Variants in EFCAB6 observed in about 807,000 individuals in gnomAD.
EFCAB6 encodes the protein EF-hand calcium-binding domain-containing protein 6.
EFCAB6 carries 156 observed loss-of-function variants against 169.8 expected under a neutral mutation model. The observed-to-expected ratio is 0.92, with a 90% confidence interval of 0.81 to 1.05. The LOEUF is 1.05. EFCAB6 is among the 50% of genes least tolerant of loss of function. EFCAB6 has a pLI of 0.00. For synonymous variants in EFCAB6, 698 were observed against 676.4 expected, an observed-to-expected ratio of 1.03 and a Z score of -0.50; for missense variants, 1,800 against 1,829.1, an observed-to-expected ratio of 0.98 and a Z score of 0.29.
At chr22:43,660,658 C>G (rs137760) in intron 17 of EFCAB6, among the ~76,000 whole-genome samples, 107,376 of 151,992 alleles carry the variant, frequency 0.71, 38,376 homozygotes, top group East Asian at 0.97. Context: ...CTTGTTGGGG[C>G]AGTATCTAAG....
intron 12 of EFCAB6, among the ~76,000 whole-genome samples, chr22:43,680,881 T>C (rs1219482029): frequency 6.6e-6 from 1 of 152,266 alleles, no homozygotes; most frequent in Admixed American, 6.5e-5. Context: ...TAGAATTTTC[T>C]ACACACAAGA....
At chr22:43,698,034 T>C (rs1008748244) in intron 10 of EFCAB6, among the ~76,000 whole-genome samples, 1 of 152,070 alleles carries the variant, frequency 6.6e-6, no homozygotes, top group African/African-American at 2.4e-5. Context: ...CTGGATACCT[T>C]TGAAGAACAC....
rs369786858 is a variant in EFCAB6 at position 43,608,516 on chromosome 22, G to C, written c.2647C>G (p.Leu883Val). The C allele has an allele frequency of 1.9e-6, 3 of 1,614,188 alleles. No homozygotes were observed. Among genetic ancestry groups the C allele is most frequent in the Non-Finnish European group, 1.7e-6 (2 of 1,180,038 alleles). Residue 883 changes from leucine (L) to valine (V), a missense_variant, in exon 22 of 32, where the codon CTC (leucine) becomes GTC (valine). By Grantham distance (32) the Leu-to-Val change is conservative. Transcript: ENST00000262726. Reference protein sequence around the residue: ...KNALYGFDIPLTPREFEKLWA... With the variant: ...KNALYGFDIPVTPREFEKLWA... ...AGCTTTTCAAACTCTCTTGGTGTGA[G>C]GGGAATATCAAAACCGTACAGTGCG...
chr22:43,809,488 A>G (rs1207818463), intron 1 of EFCAB6, among the ~76,000 whole-genome samples: 2 of 152,266 alleles, frequency 1.3e-5, no homozygotes, highest in African/African-American at 2.4e-5. Context: ...CATCAAGAAC[A>G]CAGGTTATTA....
chr22:43,695,578 T>A (rs554268064), intron 10 of EFCAB6, among the ~76,000 whole-genome samples: 1 of 152,162 alleles, frequency 6.6e-6, no homozygotes, highest in Non-Finnish European at 1.5e-5. Context: ...ACAATCTAAT[T>A]TCAAGACTTA....
At chr22:43,774,428 G>C (rs895777043) in intron 3 of EFCAB6, among the ~76,000 whole-genome samples, 1 of 151,572 alleles carries the variant, frequency 6.6e-6, no homozygotes, top group Non-Finnish European at 1.5e-5. Flanking sequence ...AGCACAGCAG[G>C]CTCTGGGGGG....
chr22:43,540,328 G>C lies in EFCAB6; in HGVS notation c.3678C>G (p.Val1226=), dbSNP rs918304390. 2 of 1,614,162 alleles carry C rather than the reference G, an allele frequency of 1.2e-6. No homozygotes were observed. The highest frequency in any genetic ancestry group is 1.7e-6 in the Non-Finnish European group (2 of 1,180,042). ...QFDRLWNEMP[V]NAKGRLKYPD... ...GGTATTTCAGCCTCCCCTTGGCATT[G>C]ACTGGCATCTCGTTCCAGAGTCTGT... The change falls in exon 28 of 32, where the codon GTC becomes GTG. Residue 1226 remains valine (V), a synonymous_variant. Coordinates refer to ENST00000262726, the MANE Select transcript of EFCAB6 (RefSeq NM_022785.4).
chr22:43,567,881 C>T (rs1247862375), intron 26 of EFCAB6, among the ~76,000 whole-genome samples: 1 of 152,190 alleles, frequency 6.6e-6, no homozygotes, highest in African/African-American at 2.4e-5. Flanking sequence ...CCAGCCGGTG[C>T]TGGAAATGGA....
intron 10 of EFCAB6, among the ~76,000 whole-genome samples, chr22:43,692,921 A>G (rs1392589692): frequency 6.6e-6 from 1 of 152,186 alleles, no homozygotes; most frequent in Non-Finnish European, 1.5e-5. Context: ...TACATGAAAA[A>G]GGCCTTGCCA....
intron 26 of EFCAB6, among the ~76,000 whole-genome samples, chr22:43,570,612 C>CTTT (rs34079137): frequency 1.7e-4 from 25 of 146,974 alleles, no homozygotes; most frequent in Middle Eastern, 3.6e-3. Flanking sequence ...TAGGTGTTCT[C>CTTT]TTTTTTTTTT....
chr22:43,744,556 A>G lies in EFCAB6; in HGVS notation c.508-8563T>C, dbSNP rs1459504591. ...GAAATCTTGAGCTGTCCTGTTCCCA[A>G]GGGACTGCTCATCAGGGAAGGGGAC... On this transcript the variant is annotated intron_variant, in intron 6 of 31. Coordinates refer to ENST00000262726, the MANE Select transcript of EFCAB6 (RefSeq NM_022785.4). The surrounding 1 kb of genome is among the most constrained non-coding windows in gnomAD (Gnocchi z 4.3). 6.6e-6 allele frequency among the ~76,000 whole-genome samples: 1 copy of G among 152,128 alleles called. No individual in the cohort carries two copies. The highest frequency in any genetic ancestry group is 1.5e-5 in the Non-Finnish European group (1 of 68,014).
At chr22:43,616,380 G>A (rs938075743) in intron 20 of EFCAB6, among the ~76,000 whole-genome samples, 6 of 152,174 alleles carry the variant, frequency 3.9e-5, no homozygotes, top group African/African-American at 1.4e-4. Flanking sequence ...TTTAAAGATA[G>A]GGCCGGGTGC....
chr22:43,567,638 C>T (rs1213282862), intron 26 of EFCAB6, among the ~76,000 whole-genome samples: 3 of 152,082 alleles, frequency 2.0e-5, no homozygotes, highest in South Asian at 2.1e-4. Flanking sequence ...GGCTGGCATT[C>T]GAATCCTAGC....
At chr22:43,798,752 C>G (rs1235200588) in intron 2 of EFCAB6, among the ~76,000 whole-genome samples, 1 of 152,210 alleles carries the variant, frequency 6.6e-6, no homozygotes, top group Non-Finnish European at 1.5e-5. Flanking sequence ...AGCCTGACAA[C>G]ACAAGGTAGA....
intron 27 of EFCAB6, among the ~76,000 whole-genome samples, chr22:43,546,163 C>A (rs1356163052): frequency 6.6e-6 from 1 of 152,056 alleles, no homozygotes; most frequent in African/African-American, 2.4e-5. Flanking sequence ...AAGATAATAC[C>A]AGAACTGACA....
In EFCAB6 at chr22:43,782,231, A is replaced by G. The variant is rs143331330; in HGVS notation, c.88T>C (p.Cys30Arg). Residue 30 changes from cysteine (C) to arginine (R), a missense_variant, in exon 3 of 32, where the codon TGT becomes CGT. By Grantham distance (180) the Cys-to-Arg change is radical. Coordinates refer to ENST00000262726, the MANE Select transcript of EFCAB6 (RefSeq NM_022785.4). ...GAACCATTCCTTGAATATACTCTAC[A>G]CGGTGAAGAATGGGGTCTTGAATGT... Reference protein sequence around the residue: ...FTHSRPHSSPCRVYSRNGSPN... With the variant: ...FTHSRPHSSPRRVYSRNGSPN... 6 of 1,613,972 alleles carry G rather than the reference A, an allele frequency of 3.7e-6. No homozygotes were observed. The African/African-American group carries it at 6.7e-5, about 18-fold the overall frequency.
chr22:43,731,210 G>A (rs546779240), intron 8 of EFCAB6, among the ~76,000 whole-genome samples: 1 of 152,222 alleles, frequency 6.6e-6, no homozygotes, highest in East Asian at 1.9e-4. Flanking sequence ...GAGGAAACAC[G>A]TTCTGTCTCA....
chr22:43,626,806 C>T, intron 19 of EFCAB6, 127 bp from the exon 20 acceptor site: 1 of 777,774 alleles, frequency 1.3e-6, no homozygotes. Context: ...CCAACTATTG[C>T]TTTTAGAGAC....
Position 43,572,993 on chromosome 22 carries a change from T to C in EFCAB6, c.3420+3304A>G, listed in dbSNP as rs2049991282. On this transcript the variant is annotated intron_variant, in intron 26 of 31. Transcript: ENST00000262726. The surrounding 1 kb of genome is among the most constrained non-coding windows in gnomAD (Gnocchi z 4.0). ...TGAAGACCCCAGAGAATGCCAGTGC[T>C]ACCACAGGAGGCGAAAAGGCAGGAG... Among the ~76,000 whole-genome samples, 1 of 152,164 alleles carries C rather than the reference T, an allele frequency of 6.6e-6. No individual in the cohort carries two copies. Among genetic ancestry groups the C allele is most frequent in the Non-Finnish European group, 1.5e-5 (1 of 68,046 alleles).
Sources: allele counts gnomAD v4.1 joint callset (sites outside exome capture counted in the v4.1 genomes callset), GRCh38; gene constraint gnomAD v4.1.1; non-coding constraint Gnocchi (gnomAD v3.1); transcripts MANE v1.5; gene names NCBI Gene and HGNC (gene_info 2026-07-23, HGNC 2026-07-21).